PRKDC: variants seen among roughly 807,000 people sequenced by gnomAD.
The protein encoded by PRKDC is protein kinase, DNA-activated, catalytic subunit.
PRKDC carries 82 observed loss-of-function variants against 486.9 expected under a neutral mutation model. That is an observed-to-expected ratio of 0.17 (90% CI 0.14 to 0.20). The LOEUF is 0.20. Among genes scored for constraint, PRKDC ranks in the 10% least tolerant of loss-of-function variants. PRKDC has a pLI of 1.00. For missense variants in PRKDC, 4,504 were observed against 5,038.2 expected (o/e 0.89, Z 3.21); for synonymous variants, 1,895 against 1,837.0 (o/e 1.03, Z -0.81).
chr8:47,809,939 C>T (rs991805972), intron 68 of PRKDC, among the ~76,000 whole-genome samples: 3 of 152,090 alleles, frequency 2.0e-5, no homozygotes, highest in African/African-American at 7.2e-5. Flanking sequence ...CTGCATTCTA[C>T]CCAGGGGAAC....
chr8:47,938,728 A>C (rs547866863), intron 11 of PRKDC, among the ~76,000 whole-genome samples: 55 of 152,064 alleles, frequency 3.6e-4, no homozygotes, highest in Non-Finnish European at 7.4e-4. Flanking sequence ...TGCCCGGCTA[A>C]TTTTTGTATT....
At chr8:47,876,038 A>C (rs1003945383) in intron 40 of PRKDC, among the ~76,000 whole-genome samples, 4 of 152,224 alleles carry the variant, frequency 2.6e-5, no homozygotes, top group African/African-American at 9.6e-5. Flanking sequence ...ACTTATATAA[A>C]ATGTCCAGAG....
At chr8:47,840,220 T>A (rs1291194460) in intron 54 of PRKDC, 31 bp from the exon 55 acceptor site, 7 of 1,531,160 alleles carry the variant, frequency 4.6e-6, no homozygotes, top group Admixed American at 2.1e-5. Context: ...ACACACAAAT[T>A]TAGCTATTTT....
At position 47,799,319 on chromosome 8, in the gene PRKDC, G is replaced by A; in HGVS notation, c.10188C>T (p.Ala3396=). 6.2e-7 allele frequency: 1 copy of A among 1,612,894 alleles called. No individual in the cohort carries two copies. The highest frequency in any genetic ancestry group is 8.5e-7 in the Non-Finnish European group (1 of 1,179,808). The change falls in exon 72 of 86, where the codon GCC becomes GCT. Residue 3396 remains alanine, a synonymous_variant. Coordinates refer to ENST00000314191, the MANE Select transcript of PRKDC (RefSeq NM_006904.7). ...GCCCACAGCTCCAGGAGGGAGGCTG[G>A]GCCTCCTCCTCAGCCGCCTGCACAG... is the stretch of plus-strand genomic sequence containing the variant. ...SEAVQAAEEE[A]QPPSWSCGPA... is the part of the protein sequence containing the mutation.
intron 54 of PRKDC, among the ~76,000 whole-genome samples, chr8:47,845,339 A>C (rs2088241507): frequency 6.6e-6 from 1 of 152,230 alleles, no homozygotes; most frequent in South Asian, 2.1e-4. Flanking sequence ...AGATTCAACA[A>C]AACCAAAAGT....
intron 73 of PRKDC, among the ~76,000 whole-genome samples, chr8:47,796,835 G>A (rs373597758): frequency 3.3e-5 from 5 of 152,032 alleles, no homozygotes; most frequent in African/African-American, 1.2e-4. Flanking sequence ...CTCGTGATCT[G>A]CCCACCTTGG....
intron 11 of PRKDC, among the ~76,000 whole-genome samples, chr8:47,938,619 T>C (rs2090392356): frequency 6.6e-6 from 1 of 152,146 alleles, no homozygotes; most frequent in Non-Finnish European, 1.5e-5. Flanking sequence ...TGGAGTGCAG[T>C]GGCTCGATCA....
chr8:47,901,608 A>G (rs908827154), intron 27 of PRKDC, among the ~76,000 whole-genome samples: 12 of 152,248 alleles, frequency 7.9e-5, no homozygotes, highest in African/African-American at 2.4e-4. Context: ...CTGTTTCCAC[A>G]CAAGTGCCTC....
intron 40 of PRKDC, 96 bp from the exon 41 acceptor site, chr8:47,864,859 T>C (rs1208278201): frequency 3.7e-6 from 4 of 1,073,786 alleles, no homozygotes; most frequent in Non-Finnish European, 5.2e-6. Flanking sequence ...CACCAGTGAT[T>C]ACAAATTACA....
At chr8:47,938,077 A>G (rs1294227634) in intron 11 of PRKDC, among the ~76,000 whole-genome samples, 1 of 152,112 alleles carries the variant, frequency 6.6e-6, no homozygotes, top group African/African-American at 2.4e-5. Context: ...TTGTACCACT[A>G]CACTCCAGCC....
At chr8:47,871,803 T>C (rs1421907010) in intron 40 of PRKDC, among the ~76,000 whole-genome samples, 1 of 151,602 alleles carries the variant, frequency 6.6e-6, no homozygotes, top group African/African-American at 2.4e-5. Context: ...GTTGACCAGG[T>C]TGGTCTCAAA....
chr8:47,829,054 G>A (rs1194055200), intron 61 of PRKDC, among the ~76,000 whole-genome samples: 2 of 152,154 alleles, frequency 1.3e-5, no homozygotes, highest in South Asian at 2.1e-4. Context: ...TTGCTAAATG[G>A]AGGCATGAAA....
In PRKDC at chr8:47,794,499, G is replaced by C; in HGVS notation, c.10461C>G (p.Ile3487Met). The part of the protein sequence containing the change: ...EETLSLMTKE[I>M]SSVPCWQFIS... The stretch of plus-strand genomic sequence containing the variant: ...TGAACTGCCAGCAGGGAACGGAAGA[G>C]ATCTAAAACAGAGAGCTGAAACTTA... The change falls in exon 74 of 86, where the codon ATC becomes ATG. Residue 3487 changes from isoleucine (I) to methionine (M), a missense_variant and splice_region_variant. Ile to Met is a conservative substitution (Grantham distance 10, BLOSUM62 1). This residue lies in a region of PRKDC where 706 missense variants were observed against 945.0 expected (regional missense o/e 0.75). Transcript: ENST00000314191. 2.5e-6 allele frequency: 4 copies of C among 1,600,000 alleles called. No homozygotes were observed. The highest frequency in any genetic ancestry group is 3.4e-6 in the Non-Finnish European group (4 of 1,168,598).
intron 40 of PRKDC, among the ~76,000 whole-genome samples, chr8:47,875,263 A>G (rs1158833563): frequency 6.6e-6 from 1 of 152,140 alleles, no homozygotes; most frequent in Non-Finnish European, 1.5e-5. Flanking sequence ...ATTCGCTTAT[A>G]ATCTTCTTAC....
At chr8:47,784,979 G>A (rs2086766698) in intron 77 of PRKDC, 134 bp downstream of exon 77, 5 of 837,336 alleles carry the variant, frequency 6.0e-6, no homozygotes, top group African/African-American at 1.7e-5. Context: ...TGAAAAATTC[G>A]GTGAATTTTA....
chr8:47,806,238 T>C (rs2087213554), intron 69 of PRKDC, among the ~76,000 whole-genome samples: 2 of 152,310 alleles, frequency 1.3e-5, no homozygotes, highest in East Asian at 1.9e-4. Context: ...ACAGTAACAA[T>C]GGCAGGGAAC....
chr8:47,864,496 C>G (rs1231982961), intron 41 of PRKDC, 60 bp downstream of exon 41: 1 of 1,463,982 alleles, frequency 6.8e-7, no homozygotes, highest in Non-Finnish European at 9.3e-7. Flanking sequence ...ACAGCAGTGT[C>G]TAGGCACACC....
chr8:47,777,907 G>A, intron 83 of PRKDC, 33 bp from the exon 84 acceptor site: 1 of 1,595,418 alleles, frequency 6.3e-7, no homozygotes, highest in African/African-American at 1.3e-5. Context: ...AGCAGAATAT[G>A]TAAGCCAGAA....
At chr8:47,958,121 A>G (rs2090739839) in intron 1 of PRKDC, among the ~76,000 whole-genome samples, 1 of 152,176 alleles carries the variant, frequency 6.6e-6, no homozygotes, top group South Asian at 2.1e-4. Context: ...TAAAGTAAGG[A>G]GATGAAGAAG....
Sources: allele counts gnomAD v4.1 joint callset (sites outside exome capture counted in the v4.1 genomes callset), GRCh38; gene constraint gnomAD v4.1.1; regional missense constraint gnomAD v4.1.1; transcripts MANE v1.5; gene names NCBI Gene and HGNC (gene_info 2026-07-23, HGNC 2026-07-21).